The following OR51B5 variants were observed in gnomAD, a reference collection of about 807,000 sequenced individuals.
The protein encoded by OR51B5 is olfactory receptor family 51 subfamily B member 5, also known as olfactory receptor 51B5.
For missense variants in OR51B5, 456 were observed against 374.6 expected, an observed-to-expected ratio of 1.22 and a Z score of -1.79; for synonymous variants, 186 against 144.8, an observed-to-expected ratio of 1.28 and a Z score of -2.04.
chr11:5,420,366 C>A (rs1163326292), intron 1 of OR51B5, among the ~76,000 whole-genome samples: 13 of 151,984 alleles, frequency 8.6e-5, no homozygotes, highest in African/African-American at 3.1e-4. Context: ...TTTAACTTTC[C>A]ATTATTGCAT....
At chr11:5,485,926 T>A in intron 1 of OR51B5, among the ~76,000 whole-genome samples, 1 of 152,098 alleles carries the variant, frequency 6.6e-6, no homozygotes, top group South Asian at 2.1e-4. Context: ...GATAGTTTTT[T>A]TAAAAAATGT....
intron 1 of OR51B5, among the ~76,000 whole-genome samples, chr11:5,432,272 T>C (rs1354483480): frequency 6.6e-6 from 1 of 152,206 alleles, no homozygotes; most frequent in Non-Finnish European, 1.5e-5. Context: ...ACATGCAATA[T>C]TTCAGACTGC....
intron 1 of OR51B5, among the ~76,000 whole-genome samples, chr11:5,471,223 A>G (rs1851223354): frequency 6.6e-6 from 1 of 152,038 alleles, no homozygotes; most frequent in South Asian, 2.1e-4. Flanking sequence ...AAAATTTATA[A>G]CTCCCTGTAA....
chr11:5,493,840 C>T (rs951644726), intron 1 of OR51B5, among the ~76,000 whole-genome samples: 6 of 152,174 alleles, frequency 3.9e-5, no homozygotes, highest in African/African-American at 1.4e-4. Context: ...TAGAATGACA[C>T]CTCCAGAAGA....
chr11:5,495,676 C>T (rs900572546), intron 1 of OR51B5, among the ~76,000 whole-genome samples: 1 of 141,460 alleles, frequency 7.1e-6, no homozygotes, highest in Admixed American at 7.1e-5. Flanking sequence ...GAGGAAGAAC[C>T]AGGAGCTACA....
chr11:5,391,644 T>C, intron 1 of OR51B5: 1 of 152,240 alleles, frequency 6.6e-6, no homozygotes, highest in Non-Finnish European at 1.5e-5. Flanking sequence ...ACCTTTCTGC[T>C]GGCATCCATC....
chr11:5,455,159 C>T (rs1410471051), intron 1 of OR51B5: 1 of 152,090 alleles, frequency 6.6e-6, no homozygotes. Context: ...TTTATCTGCC[C>T]ACCACTCAAT....
intron 1 of OR51B5, among the ~76,000 whole-genome samples, chr11:5,438,472 G>GT (rs540708903): frequency 1.0e-3 from 156 of 152,176 alleles, no homozygotes; most frequent in Non-Finnish European, 1.9e-3. Context: ...ACTGGATCCA[G>GT]TTTTTTCATT....
At chr11:5,489,630 A>G (rs1851553148) in intron 1 of OR51B5, 1 of 1,613,498 alleles carries the variant, frequency 6.2e-7, no homozygotes, top group Admixed American at 1.7e-5. Context: ...GTCGACTTCT[A>G]AAACTGCTTC....
intron 1 of OR51B5, among the ~76,000 whole-genome samples, chr11:5,479,320 T>C (rs1450118149): frequency 6.6e-6 from 1 of 151,278 alleles, no homozygotes; most frequent in Non-Finnish European, 1.5e-5. Context: ...CTGAGAGATT[T>C]TGTCACCACC....
At chr11:5,464,654 T>C (rs985449566) in intron 1 of OR51B5, among the ~76,000 whole-genome samples, 3 of 152,106 alleles carry the variant, frequency 2.0e-5, no homozygotes, top group African/African-American at 7.2e-5. Flanking sequence ...CCATGGTGTA[T>C]ATGTGCCACA....
At chr11:5,421,511 A>G (rs554683883) in intron 1 of OR51B5, among the ~76,000 whole-genome samples, 3 of 152,266 alleles carry the variant, frequency 2.0e-5, no homozygotes, top group Non-Finnish European at 2.9e-5. Flanking sequence ...GCTGTTAAAC[A>G]GACTTCTGAC....
At chr11:5,387,850 C>T (rs1849722957) in intron 1 of OR51B5, among the ~76,000 whole-genome samples, 1 of 152,142 alleles carries the variant, frequency 6.6e-6, no homozygotes, top group Non-Finnish European at 1.5e-5. Context: ...TCTTACCTTC[C>T]TCCTTTGCTC....
chr11:5,360,943 G>C (rs886613536), intron 1 of OR51B5, among the ~76,000 whole-genome samples: 4 of 149,244 alleles, frequency 2.7e-5, no homozygotes, highest in Non-Finnish European at 5.9e-5. Flanking sequence ...TGAACAATGA[G>C]AACACATGGA....
At chr11:5,481,489 G>T (rs1446449773) in intron 1 of OR51B5, among the ~76,000 whole-genome samples, 2 of 139,336 alleles carry the variant, frequency 1.4e-5, no homozygotes, top group African/African-American at 5.7e-5. Context: ...ATTCAACATA[G>T]TGTTGGAAGT....
chr11:5,363,275 ACACACACACACCG>A (rs1256824695), intron 1 of OR51B5, among the ~76,000 whole-genome samples: 25 of 92,390 alleles, frequency 2.7e-4, no homozygotes, highest in Non-Finnish European at 4.7e-4. Context: ...ACACACACAC[ACACACACACACCG>A]GTGAGTGGAC....
chr11:5,379,125 T>C (rs1849572188), intron 1 of OR51B5, among the ~76,000 whole-genome samples: 1 of 151,780 alleles, frequency 6.6e-6, no homozygotes, highest in South Asian at 2.1e-4. Context: ...TGGAATACTA[T>C]GCAGCCATAA....
intron 1 of OR51B5, among the ~76,000 whole-genome samples, chr11:5,411,268 A>G (rs1467523183): frequency 6.6e-6 from 1 of 152,196 alleles, no homozygotes. Flanking sequence ...TTTAGATACA[A>G]AAATATCACT....
At position 5,466,027 on chromosome 11, in the gene OR51B5, C is replaced by T. The variant is rs191945726; in HGVS notation, n.84+39542G>A. Among the ~76,000 whole-genome samples, 5 of 151,914 alleles carry T rather than the reference C, an allele frequency of 3.3e-5. No homozygotes were observed. The East Asian group carries it at 9.7e-4, about 29-fold the overall frequency. On this transcript the variant is annotated intron_variant and non_coding_transcript_variant, in intron 1 of 4. Coordinates refer to the OR51B5 transcript ENST00000415970. ...ATCATCAGAGTGAACAGGCAACCTA[C>T]AAAATGGGAGAAAATTTTTGCAACC...
Sources: allele counts gnomAD v4.1 joint callset (sites outside exome capture counted in the v4.1 genomes callset), GRCh38; gene constraint gnomAD v4.1.1; transcripts MANE v1.5; gene names NCBI Gene and HGNC (gene_info 2026-07-23, HGNC 2026-07-21).